Variants in NUCB1 observed in about 807,000 individuals in gnomAD.
NUCB1 encodes nucleobindin 1.
NUCB1 carries 47 observed loss-of-function variants against 61.2 expected under a neutral mutation model. The observed-to-expected ratio is 0.77, with a 90% CI of 0.61 to 0.98. The LOEUF is 0.98. Ranked by LOEUF, NUCB1 falls within the 50% of genes least tolerant of loss-of-function variation. The pLI, the probability that NUCB1 is intolerant of heterozygous loss-of-function variation, is 0.00. For missense variants in NUCB1, 583 were observed against 605.3 expected, an observed-to-expected ratio of 0.96 and a Z score of 0.39; for synonymous variants, 234 against 243.1, an observed-to-expected ratio of 0.96 and a Z score of 0.35.
chr19:48,911,222 G>A lies in NUCB1; in HGVS notation c.450G>A (p.Glu150=), dbSNP rs1251373636. 2.5e-6 allele frequency: 4 copies of A among 1,613,732 alleles called. No homozygotes were observed. The South Asian group carries it at 4.4e-5, about 18-fold the overall frequency. Residue 150 remains glutamate (E), a synonymous_variant, in exon 5 of 13, where the codon GAG becomes GAA. Transcript: ENST00000405315. ...HLDPQNQHTF[E]ARDLELLIQT... The stretch of plus-strand genomic sequence containing the variant: ...ACCCTCAGAACCAGCATACATTCGA[G>A]GCCCGCGACCTGGAGCTGCTGATCC...
chr19:48,916,980 G>A (rs1031944243), intron 7 of NUCB1, among the ~76,000 whole-genome samples: 1 of 151,950 alleles, frequency 6.6e-6, no homozygotes, highest in African/African-American at 2.4e-5. Flanking sequence ...AGCACTTTGC[G>A]AAGCCAAGGC....
chr19:48,918,495 G>C lies in NUCB1; in HGVS notation c.758-231G>C, dbSNP rs147156776. On this transcript the variant is annotated intron_variant, in intron 7 of 12. Coordinates refer to ENST00000405315, the MANE Select transcript of NUCB1 (RefSeq NM_006184.6). ...GACAGTGACCCAAGCATGTTTCCTC[G>C]AACCCTCCCTTTGATCTATTCCATT... 25 of 533,846 alleles carry C rather than the reference G, an allele frequency of 4.7e-5. No individual in the cohort carries two copies. The East Asian group carries it at 7.8e-4, about 17-fold the overall frequency. The allele number at this position is 533,846 out of a possible 1,614,324, so 33.1% of individuals were successfully genotyped here. A position where few individuals can be genotyped will look rare whatever the true frequency, so the allele number is the denominator to read the frequency against.
At chr19:48,913,607 T>C in intron 7 of NUCB1, 43 bp downstream of exon 7, 2 of 1,499,988 alleles carry the variant, frequency 1.3e-6, no homozygotes, top group Middle Eastern at 1.7e-4. Flanking sequence ...GAACCCTAGA[T>C]TCTGACCCTT....
At chr19:48,921,065 T>C in intron 10 of NUCB1, 89 bp from the exon 11 acceptor site, 2 of 1,435,378 alleles carry the variant, frequency 1.4e-6, no homozygotes, top group Non-Finnish European at 1.9e-6. Flanking sequence ...CAGCCTCCTC[T>C]ACACCTCCCC....
chr19:48,904,278 C>T (rs1209610290), intron 2 of NUCB1, 69 bp from the exon 3 acceptor site: 1 of 1,006,146 alleles, frequency 9.9e-7, no homozygotes, highest in East Asian at 2.4e-5. Flanking sequence ...CAGGCCATAG[C>T]AGTAACAGGA....
intron 2 of NUCB1, among the ~76,000 whole-genome samples, chr19:48,902,170 G>T (rs1166974507): frequency 6.6e-6 from 1 of 152,150 alleles, no homozygotes; most frequent in Admixed American, 6.6e-5. Context: ...GAGTGCAGTG[G>T]TGCAATCTTG....
At chr19:48,903,919 T>G (rs2037383923) in intron 2 of NUCB1, among the ~76,000 whole-genome samples, 2 of 140,514 alleles carry the variant, frequency 1.4e-5, no homozygotes, top group African/African-American at 2.7e-5. Context: ...GATGGATGGA[T>G]GGATGGGTGG....
At chr19:48,903,482 ATGGGCGGG>A (rs2037375064) in intron 2 of NUCB1, among the ~76,000 whole-genome samples, 2 of 107,770 alleles carry the variant, frequency 1.9e-5, no homozygotes, top group African/African-American at 3.7e-5. Flanking sequence ...GGGTGGATGG[ATGGGCGGG>A]TGGATGGATG....
Position 48,911,308 on chromosome 19 carries a change from A to C in NUCB1, c.480+56A>C, listed in dbSNP as rs2037469472. ...TGAGGGTAGCTTTGCGGAAGGGGAG[A>C]AGGGGACAGAGTCCCAGACGTGAGC... On this transcript the variant is annotated intron_variant, in intron 5 of 12. Transcript: ENST00000405315. The C allele has an allele frequency of 3.2e-6, 4 of 1,260,256 alleles. No individual in the cohort carries two copies. In the African/African-American group the frequency reaches 5.9e-5, roughly 19 times the overall value. 78.1% of individuals were successfully genotyped at this position (1,260,256 alleles called of 1,614,324 possible). A position where few individuals can be genotyped will look rare whatever the true frequency, so the allele number is the denominator to read the frequency against.
chr19:48,909,752 CG>C (rs1225137426), intron 4 of NUCB1, among the ~76,000 whole-genome samples: 1 of 151,738 alleles, frequency 6.6e-6, no homozygotes, highest in African/African-American at 2.4e-5. Flanking sequence ...ATGTTGCCCA[CG>C]CTGGTCTCGA....
At chr19:48,912,056 G>C (rs2037480184) in intron 5 of NUCB1, among the ~76,000 whole-genome samples, 1 of 134,564 alleles carries the variant, frequency 7.4e-6, no homozygotes, top group Non-Finnish European at 1.6e-5. Context: ...ACAGCGTCTT[G>C]CTCTGATGCC....
chr19:48,922,270 G>A, intron 12 of NUCB1, 48 bp from the exon 13 acceptor site: 1 of 1,512,650 alleles, frequency 6.6e-7, no homozygotes, highest in Admixed American at 1.7e-5. Flanking sequence ...TCCTGGGGGA[G>A]GAGGGGTTCG....
At chr19:48,903,312 G>A (rs2037371514) in intron 2 of NUCB1, among the ~76,000 whole-genome samples, 1 of 151,972 alleles carries the variant, frequency 6.6e-6, no homozygotes, top group Non-Finnish European at 1.5e-5. Flanking sequence ...TGTTCACAGT[G>A]CCTGGCATAT....
rs1036325519 is a variant in NUCB1 at position 48,913,104 on chromosome 19, G to C, written c.574G>C (p.Glu192Gln). 1.2e-6 allele frequency: 2 copies of C among 1,613,768 alleles called. No homozygotes were observed. Among genetic ancestry groups the C allele is most frequent in the Non-Finnish European group, 1.7e-6 (2 of 1,179,994 alleles). Residue 192 changes from glutamate to glutamine, a missense_variant, in exon 6 of 13, where the codon GAG (glutamate) becomes CAG (glutamine). By Grantham distance (29) the Glu-to-Gln change is conservative. Transcript: ENST00000405315. Reference sequence around the variant, plus strand: ...GGAACACGAGAGACGGCGTTATCTGGAGTCACTGGGAGAGGAGCAGAGAAA... The same window carrying C: ...GGAACACGAGAGACGGCGTTATCTGCAGTCACTGGGAGAGGAGCAGAGAAA... Reference protein sequence around the residue: ...LKEHERRRYLESLGEEQRKEA... With the variant: ...LKEHERRRYLQSLGEEQRKEA...
At chr19:48,911,939 T>C in intron 5 of NUCB1, among the ~76,000 whole-genome samples, 1 of 152,052 alleles carries the variant, frequency 6.6e-6, no homozygotes, top group East Asian at 1.9e-4. Flanking sequence ...CTTATGAGAT[T>C]TGGTCACAAA....
chr19:48,920,096 G>T (rs1486788235), intron 10 of NUCB1, among the ~76,000 whole-genome samples: 7 of 23,200 alleles, frequency 3.0e-4, no homozygotes, highest in Non-Finnish European at 7.8e-5. Context: ...TTTTGGTAGA[G>T]ACAGGGTTTT....
rs750903129 is a variant in NUCB1 at position 48,922,333 on chromosome 19, C to T, written c.1295C>T (p.Pro432Leu). 3 of 1,613,692 alleles carry T rather than the reference C, an allele frequency of 1.9e-6. No individual in the cohort carries two copies. The Admixed American group carries it at 5.0e-5, about 27-fold the overall frequency. The change falls in exon 13 of 13, where the codon CCA becomes CTA. Residue 432 changes from proline to leucine, a missense_variant. By Grantham distance (98) the Pro-to-Leu change is moderately conservative (BLOSUM62 -3). Transcript: ENST00000405315. The stretch of plus-strand genomic sequence containing the variant: ...CCATTTCCAGACGATGTACCTGTCC[C>T]AGCTCCAGCCGGTGACCAGAAGGAG... ...FHPDTDDVPV[P>L]APAGDQKEVD... is the part of the protein sequence containing the mutation.
At chr19:48,916,768 T>C (rs1397448216) in intron 7 of NUCB1, among the ~76,000 whole-genome samples, 2 of 151,976 alleles carry the variant, frequency 1.3e-5, no homozygotes, top group Non-Finnish European at 2.9e-5. Context: ...ATACAAAAAT[T>C]ATCTGGGCAT....
chr19:48,920,498 GGTCTCT>G (rs2037596864), intron 10 of NUCB1, among the ~76,000 whole-genome samples: 1 of 151,756 alleles, frequency 6.6e-6, no homozygotes, highest in Admixed American at 6.6e-5. Flanking sequence ...AGCTAATCTA[GGTCTCT>G]GTTTTATTTA....
Sources: gnomAD v4.1 joint callset for allele counts (sites outside exome capture counted in the v4.1 genomes callset) on GRCh38, gnomAD v4.1.1 for gene constraint, MANE v1.5 for transcripts, NCBI Gene and HGNC (gene_info 2026-07-23, HGNC 2026-07-21) for gene names.